Variants in TENM4 observed in about 807,000 individuals in gnomAD.
TENM4 encodes teneurin-4.
In TENM4, 82 loss-of-function variants were observed where a neutral mutation model predicts 243.3. That is an observed-to-expected ratio of 0.34 (90% CI 0.28 to 0.40). The LOEUF (loss-of-function observed/expected upper bound fraction) is 0.40. Among genes scored for constraint, TENM4 ranks in the 10% least tolerant of loss-of-function variants. The pLI is 1.00. For missense variants in TENM4, 3,138 were observed against 3,673.3 expected (o/e 0.85, Z 3.77); for synonymous variants, 1,412 against 1,456.3 (o/e 0.97, Z 0.69).
chr11:79,402,488 T>C (rs963446263), intron 1 of TENM4, among the ~76,000 whole-genome samples: 1 of 152,236 alleles, frequency 6.6e-6, no homozygotes, highest in African/African-American at 2.4e-5. Flanking sequence ...CCTTTTCTTA[T>C]GTGTGGTTTC....
At chr11:79,310,142 C>T (rs953425628) in intron 1 of TENM4, among the ~76,000 whole-genome samples, 5 of 152,164 alleles carry the variant, frequency 3.3e-5, no homozygotes, top group Non-Finnish European at 7.3e-5. Flanking sequence ...GCACAGGCCC[C>T]GGCACAAAGG....
chr11:78,898,560 C>T (rs1319974345), intron 7 of TENM4, among the ~76,000 whole-genome samples: 4 of 152,276 alleles, frequency 2.6e-5, no homozygotes, highest in East Asian at 1.9e-4. Context: ...CCTCTCAGGC[C>T]CTCCTTTCTG....
chr11:79,334,536 C>T (rs1857116397), intron 1 of TENM4, among the ~76,000 whole-genome samples: 1 of 152,176 alleles, frequency 6.6e-6, no homozygotes, highest in Non-Finnish European at 1.5e-5. Context: ...GGGTAAAATC[C>T]CATTCTCACT....
intron 12 of TENM4, among the ~76,000 whole-genome samples, chr11:78,851,246 A>ATC (rs571711837): frequency 8.5e-5 from 13 of 152,346 alleles, no homozygotes; most frequent in Admixed American, 2.6e-4. Flanking sequence ...CAAGATCCTC[A>ATC]GGTGGTTCAC....
intron 4 of TENM4, among the ~76,000 whole-genome samples, chr11:79,139,699 T>TTATATTTATATAAGTATATAA (rs1862230855): frequency 2.1e-5 from 2 of 94,750 alleles, no homozygotes; most frequent in Non-Finnish European, 3.8e-5. Flanking sequence ...AAAATATATA[T>TTATATTTATATAAGTATATAA]AATATTTATA....
chr11:79,380,743 T>C (rs1857984497), intron 1 of TENM4, among the ~76,000 whole-genome samples: 1 of 152,186 alleles, frequency 6.6e-6, no homozygotes, highest in South Asian at 2.1e-4. Flanking sequence ...AAACAGATTT[T>C]GGGAAATGTT....
At chr11:79,361,508 C>T (rs1857588638) in intron 1 of TENM4, among the ~76,000 whole-genome samples, 1 of 152,212 alleles carries the variant, frequency 6.6e-6, no homozygotes, top group Non-Finnish European at 1.5e-5. Flanking sequence ...AGTTTTGTCA[C>T]ACTCCCAGTG....
At chr11:79,430,516 AAG>A (rs200782483) in intron 1 of TENM4, among the ~76,000 whole-genome samples, 2,024 of 152,320 alleles carry the variant, frequency 0.013, 49 homozygotes, top group African/African-American at 0.046. Flanking sequence ...CTACAATCTC[AAG>A]AGAGTGGCAC....
chr11:78,699,451 G>T (rs1319383112), intron 28 of TENM4, among the ~76,000 whole-genome samples: 1 of 152,208 alleles, frequency 6.6e-6, no homozygotes, highest in African/African-American at 2.4e-5. Flanking sequence ...ATCTGAGGTT[G>T]CTGTGAAGAT....
chr11:78,665,863 C>G (rs1360645354), intron 32 of TENM4, among the ~76,000 whole-genome samples: 1 of 152,070 alleles, frequency 6.6e-6, no homozygotes, highest in Non-Finnish European at 1.5e-5. Context: ...TCTTTCCTTT[C>G]TGGAGTATTA....
chr11:79,343,162 T>C (rs1857269356), intron 1 of TENM4, among the ~76,000 whole-genome samples: 1 of 152,226 alleles, frequency 6.6e-6, no homozygotes, highest in Non-Finnish European at 1.5e-5. Flanking sequence ...TTCCTCCTCC[T>C]GGCCCCTGGA....
chr11:79,156,246 C>A (rs1862613509), intron 3 of TENM4, among the ~76,000 whole-genome samples: 1 of 152,196 alleles, frequency 6.6e-6, no homozygotes, highest in African/African-American at 2.4e-5. Flanking sequence ...CTGTCCTGCA[C>A]AGACCATTGT....
At chr11:79,017,406 C>A (rs1036509266) in intron 6 of TENM4, among the ~76,000 whole-genome samples, 2 of 152,062 alleles carry the variant, frequency 1.3e-5, no homozygotes, top group Admixed American at 1.3e-4. Flanking sequence ...TCCTGGATAC[C>A]AGGAAGCAAG....
At chr11:79,411,645 G>T (rs1858703964) in intron 1 of TENM4, among the ~76,000 whole-genome samples, 1 of 152,062 alleles carries the variant, frequency 6.6e-6, no homozygotes, top group South Asian at 2.1e-4. Context: ...TCCACCAAAA[G>T]CTGGAAAGAG....
intron 19 of TENM4, among the ~76,000 whole-genome samples, chr11:78,739,724 G>A (rs936355836): frequency 3.3e-5 from 5 of 152,114 alleles, no homozygotes; most frequent in South Asian, 2.1e-4. Flanking sequence ...GGATGAAGTC[G>A]GGATGGAGGC....
chr11:78,715,482 T>G (rs1355394055), intron 25 of TENM4, among the ~76,000 whole-genome samples: 1 of 152,128 alleles, frequency 6.6e-6, no homozygotes, highest in East Asian at 1.9e-4. Context: ...TCCAGAGAAG[T>G]GTCACTCATG....
At chr11:78,923,880 A>G (rs765236918) in intron 6 of TENM4, among the ~76,000 whole-genome samples, 20 of 140,720 alleles carry the variant, frequency 1.4e-4, no homozygotes, top group Non-Finnish European at 2.5e-4. Flanking sequence ...TTGAGACAAG[A>G]GTCTTACTCT....
intron 6 of TENM4, among the ~76,000 whole-genome samples, chr11:79,044,982 G>T (rs1859623950): frequency 6.6e-6 from 1 of 152,120 alleles, no homozygotes; most frequent in Admixed American, 6.5e-5. Flanking sequence ...TTAAAAGCAT[G>T]TAATTCAGTG....
intron 5 of TENM4, chr11:79,068,167 T>A (rs1160081862): frequency 6.6e-6 from 1 of 152,228 alleles, no homozygotes; most frequent in Non-Finnish European, 1.5e-5. Context: ...TTCAGTGAGA[T>A]CCAGAGATGA....
Sources: allele counts gnomAD v4.1 joint callset (sites outside exome capture counted in the v4.1 genomes callset), GRCh38; gene constraint gnomAD v4.1.1; transcripts MANE v1.5; gene names NCBI Gene and HGNC (gene_info 2026-07-23, HGNC 2026-07-21).